The following CDKN2A variants were observed in gnomAD, a reference collection of about 807,000 sequenced individuals.
The protein encoded by CDKN2A is cyclin-dependent kinase inhibitor 2A.
A neutral mutation model predicts 11.1 loss-of-function variants in CDKN2A; 3 were observed. That is an observed-to-expected ratio of 0.27 (90% CI 0.12 to 0.70). The LOEUF (loss-of-function observed/expected upper bound fraction) is 0.70, where lower values mean the gene tolerates loss of function less well. Ranked by LOEUF, CDKN2A falls within the 30% of genes least tolerant of loss-of-function variation. The pLI is 0.77. For synonymous variants in CDKN2A, 122 were observed against 108.1 expected, an observed-to-expected ratio of 1.13 and a Z score of -0.80; for missense variants, 265 against 233.6, an observed-to-expected ratio of 1.13 and a Z score of -0.88.
At chr9:21,982,694 T>C (rs1479152351) in intron 2 of CDKN2A, among the ~76,000 whole-genome samples, 4 of 152,038 alleles carry the variant, frequency 2.6e-5, no homozygotes, top group Non-Finnish European at 5.9e-5. Flanking sequence ...TTAGAGGAGA[T>C]AGGCAGAAAG....
chr9:21,982,577 T>C (rs1274295513), intron 2 of CDKN2A, among the ~76,000 whole-genome samples: 1 of 152,084 alleles, frequency 6.6e-6, no homozygotes, highest in Non-Finnish European at 1.5e-5. Context: ...ACAGTATGTA[T>C]GTATGTACAT....
In CDKN2A at chr9:21,988,180, A is replaced by T. The variant is rs1026345998; in HGVS notation, c.-4+5702T>A. 1.0e-4 allele frequency among the ~76,000 whole-genome samples: 15 copies of T among 149,542 alleles called. No homozygotes were observed. Among genetic ancestry groups the T allele is most frequent in the African/African-American group, 3.6e-4 (15 of 41,418 alleles). ...ACCTCTATAAAACTTTTCTCTCTTA[A>T]AAAAATCCTACTGCCTTCACAACCA... On this transcript the variant is annotated intron_variant, in intron 2 of 3. Transcript: ENST00000494262. This position sits in a 1 kb window ranked among gnomAD's most constrained non-coding sequence, Gnocchi z 4.1.
intron 2 of CDKN2A, among the ~76,000 whole-genome samples, chr9:21,987,396 A>AACACACACACACACACACACAC (rs375380204): frequency 4.4e-5 from 4 of 89,902 alleles, no homozygotes; most frequent in African/African-American, 8.6e-5. Context: ...CCCTTATTAC[A>AACACACACACACACACACACAC]ACACACACAC....
intron 2 of CDKN2A, among the ~76,000 whole-genome samples, chr9:21,985,965 G>T (rs1425056951): frequency 6.6e-6 from 1 of 151,828 alleles, no homozygotes; most frequent in African/African-American, 2.4e-5. Flanking sequence ...CTTTCTTAAG[G>T]GCATAGTTTA....
chr9:21,993,791 C>T (rs975909509), intron 2 of CDKN2A: 13 of 337,772 alleles, frequency 3.8e-5, no homozygotes, highest in East Asian at 6.3e-5. Context: ...TGAAATACAC[C>T]TTTCCTACTG....
In CDKN2A at chr9:21,974,541, A is replaced by T. The variant is rs1587338978; in HGVS notation, c.150+137T>A. ...GCCAGGAGGAGGTCTGTGATTACAAACCCCTTCTGAAAACTCCCCAGGAAG... is the reference window on the plus strand; with the variant it reads ...GCCAGGAGGAGGTCTGTGATTACAATCCCCTTCTGAAAACTCCCCAGGAAG... On this transcript the variant is annotated intron_variant, in intron 1 of 2. Coordinates refer to ENST00000304494, the MANE Select transcript of CDKN2A (RefSeq NM_000077.5). The surrounding 1 kb of genome is among the most constrained non-coding windows in gnomAD (Gnocchi z 5.2). 1 of 1,613,048 alleles carries T rather than the reference A, an allele frequency of 6.2e-7. No individual in the cohort carries two copies. The highest frequency in any genetic ancestry group is 8.5e-7 in the Non-Finnish European group (1 of 1,179,928).
rs947440528 is a variant in CDKN2A, at chr9:21,972,793, C to A, written c.151-1585G>T. 3.3e-5 allele frequency among the ~76,000 whole-genome samples: 5 copies of A among 152,170 alleles called. No homozygotes were observed. In the South Asian group the frequency reaches 6.2e-4, roughly 19 times the overall value. ...AAAATACTGTCTGCAGTCATAGCAA[C>A]CTTAAAATTTGAGTGCTGCATGGTG... On this transcript the variant is annotated intron_variant, in intron 1 of 2. Transcript: ENST00000304494.
At chr9:21,993,507 T>C (rs539762204) in intron 2 of CDKN2A, among the ~76,000 whole-genome samples, 12 of 152,196 alleles carry the variant, frequency 7.9e-5, no homozygotes, top group Non-Finnish European at 1.5e-4. Context: ...CCGCCGGACC[T>C]CTACCTCTAA....
At chr9:21,973,782 T>C (rs544864969) in intron 1 of CDKN2A, among the ~76,000 whole-genome samples, 1 of 152,384 alleles carries the variant, frequency 6.6e-6, no homozygotes, top group South Asian at 2.1e-4. Context: ...CACATGAATG[T>C]GGCTCATTAT....
chr9:21,971,268 C>T (rs2131097554), intron 1 of CDKN2A, 60 bp from the exon 2 acceptor site: 1 of 1,559,982 alleles, frequency 6.4e-7, no homozygotes, highest in Non-Finnish European at 8.6e-7. Context: ...GGAAAGGAAG[C>T]TTGTGTAGAG....
chr9:21,980,634 T>C (rs1019233920), intron 2 of CDKN2A, among the ~76,000 whole-genome samples: 5 of 152,062 alleles, frequency 3.3e-5, no homozygotes, highest in South Asian at 2.1e-4. Context: ...GGTTTCTTAG[T>C]CAAGAGCATG....
chr9:21,993,913 C>T (rs1820510886), exon 2 of CDKN2A: 1 of 596,490 alleles, frequency 1.7e-6, no homozygotes, highest in African/African-American at 1.9e-5. Context: ...AAGCTCTGTT[C>T]GCCTCAGTTT....
chr9:21,987,433 A>ACACACAC, intron 2 of CDKN2A, among the ~76,000 whole-genome samples: 1 of 99,752 alleles, frequency 1.0e-5, no homozygotes, highest in Non-Finnish European at 2.1e-5. Flanking sequence ...ACACACACAC[A>ACACACAC]GAGAGAGAGA....
rs935044558 is a variant in CDKN2A, at chr9:21,974,362, A to G, written c.150+316T>C. ...TACATTTCTTTAAGACTCCCTTTTT[A>G]TCCCAAACGTTCGTAAATTTTGTAT... On this transcript the variant is annotated intron_variant, in intron 1 of 2. Coordinates refer to ENST00000304494, the MANE Select transcript of CDKN2A (RefSeq NM_000077.5). The surrounding 1 kb of genome is among the most constrained non-coding windows in gnomAD (Gnocchi z 5.2). 1 of 1,508,054 alleles carries G rather than the reference A, an allele frequency of 6.6e-7. No individual in the cohort carries two copies. Among genetic ancestry groups the G allele is most frequent in the Non-Finnish European group, 8.9e-7 (1 of 1,121,198 alleles). 93.4% of individuals were successfully genotyped at this position (1,508,054 alleles called of 1,614,324 possible).
chr9:21,975,184 C>T (rs1819988829), upstream of CDKN2A: 1 of 1,129,122 alleles, frequency 8.9e-7, no homozygotes, highest in Non-Finnish European at 1.1e-6. Flanking sequence ...CCCACCTGCC[C>T]CCCACACCGC....
chr9:21,969,275 C>G (rs568936685), intron 2 of CDKN2A, among the ~76,000 whole-genome samples: 1 of 152,040 alleles, frequency 6.6e-6, no homozygotes, highest in African/African-American at 2.4e-5. Context: ...GTGGTCCCAG[C>G]TAGTCGGGAG....
upstream of CDKN2A, among the ~76,000 whole-genome samples, chr9:21,978,061 C>A (rs1385808213): frequency 7.2e-6 from 1 of 138,256 alleles, no homozygotes; most frequent in Non-Finnish European, 1.5e-5. Context: ...ATTATGGCAT[C>A]CTTGGGTGGG....
intron 2 of CDKN2A, among the ~76,000 whole-genome samples, chr9:21,981,102 ACGTG>A (rs1232384196): frequency 8.8e-5 from 2 of 22,660 alleles, no homozygotes; most frequent in African/African-American, 1.6e-4. Context: ...GTATATATAT[ACGTG>A]TATATATATA....
chr9:21,971,492 A>G, intron 1 of CDKN2A: 2 of 640,322 alleles, frequency 3.1e-6, no homozygotes. Flanking sequence ...GGACAGACTG[A>G]CTTTTACTCC....
Sources: allele counts gnomAD v4.1 joint callset (sites outside exome capture counted in the v4.1 genomes callset), GRCh38; gene constraint gnomAD v4.1.1; non-coding constraint Gnocchi (gnomAD v3.1); transcripts MANE v1.5; gene names NCBI Gene and HGNC (gene_info 2026-07-23, HGNC 2026-07-21).